Variants in PTGR1 observed in about 807,000 individuals in gnomAD.
PTGR1 encodes 15-oxoprostaglandin 13-reductase.
In PTGR1, 23 loss-of-function variants were observed where a neutral mutation model predicts 37.7. The observed-to-expected ratio is 0.61, with a 90% CI of 0.44 to 0.86. PTGR1 has a LOEUF of 0.86. Among genes scored for constraint, PTGR1 ranks in the 40% least tolerant of loss-of-function variants. The pLI, the probability that PTGR1 is intolerant of heterozygous loss-of-function variation, is 0.00. For missense variants in PTGR1, 351 were observed against 394.3 expected, an observed-to-expected ratio of 0.89 and a Z score of 0.93; for synonymous variants, 134 against 140.0, an observed-to-expected ratio of 0.96 and a Z score of 0.30.
chr9:111,571,525 C>T (rs1828820285), intron 8 of PTGR1, among the ~76,000 whole-genome samples: 1 of 138,974 alleles, frequency 7.2e-6, no homozygotes, highest in African/African-American at 2.5e-5. Context: ...TTTCCCCAGG[C>T]TGGAGTAAAG....
intron 3 of PTGR1, among the ~76,000 whole-genome samples, chr9:111,593,469 G>A (rs1829682845): frequency 6.6e-6 from 1 of 152,160 alleles, no homozygotes; most frequent in Non-Finnish European, 1.5e-5. Context: ...AAAAAATACT[G>A]AGGACTTAGT....
At chr9:111,558,080 G>A (rs1427504733), downstream of PTGR1, among the ~76,000 whole-genome samples, 1 of 152,096 alleles carries the variant, frequency 6.6e-6, no homozygotes, top group Non-Finnish European at 1.5e-5. Flanking sequence ...CCGGGAGGCG[G>A]AGTTTGCACT....
intron 6 of PTGR1, 146 bp downstream of exon 6, chr9:111,583,326 C>T: frequency 4.4e-6 from 3 of 679,782 alleles, no homozygotes; most frequent in East Asian, 2.5e-5. Context: ...TATAGTTTTC[C>T]CCATTCCTCC....
intron 9 of PTGR1, among the ~76,000 whole-genome samples, chr9:111,568,250 ATAAT>A (rs778811995): frequency 3.9e-5 from 6 of 152,280 alleles, no homozygotes; most frequent in Non-Finnish European, 2.9e-5. Context: ...AGGAATATTA[ATAAT>A]TAATATCCTG....
chr9:111,582,710 T>C (rs978538068), intron 6 of PTGR1, among the ~76,000 whole-genome samples: 5 of 152,254 alleles, frequency 3.3e-5, no homozygotes, highest in South Asian at 2.1e-4. Context: ...ACAACTTCTA[T>C]GGTAGCCTCA....
downstream of PTGR1, among the ~76,000 whole-genome samples, chr9:111,559,629 A>AACAC (rs905762878): frequency 6.8e-6 from 1 of 147,054 alleles, no homozygotes; most frequent in South Asian, 2.1e-4. Context: ...ATACATATAT[A>AACAC]ACACACACAC....
At chr9:111,586,324 G>A (rs747097710) in intron 4 of PTGR1, among the ~76,000 whole-genome samples, 159 bp from the exon 5 acceptor site, 4 of 152,076 alleles carry the variant, frequency 2.6e-5, no homozygotes, top group Non-Finnish European at 5.9e-5. Context: ...CTTAGCCATC[G>A]GCATAGGGGT....
At chr9:111,561,009 A>AG (rs1179360853), downstream of PTGR1, among the ~76,000 whole-genome samples, 1 of 82,996 alleles carries the variant, frequency 1.2e-5, no homozygotes, top group Non-Finnish European at 2.3e-5. Flanking sequence ...AGAGAGAGAG[A>AG]GAGAGAGAGG....
intron 8 of PTGR1, chr9:111,574,237 C>T (rs1828956356): frequency 1.3e-5 from 2 of 152,168 alleles, no homozygotes; most frequent in Admixed American, 6.5e-5. Flanking sequence ...CTTTTAATAA[C>T]TGTTTCTTTT....
chr9:111,550,732 T>C (rs1368301748), intron 9 of PTGR1, among the ~76,000 whole-genome samples: 5 of 152,262 alleles, frequency 3.3e-5, no homozygotes, highest in Admixed American at 6.5e-5. Flanking sequence ...CTATTAAATG[T>C]TGTGAATGTT....
intron 9 of PTGR1, 130 bp downstream of exon 9, chr9:111,569,961 A>C: frequency 1.4e-6 from 2 of 1,416,480 alleles, no homozygotes; most frequent in Non-Finnish European, 1.9e-6. Context: ...TACTCTAAGC[A>C]CAATGACCCA....
chr9:111,586,305 A>C, intron 4 of PTGR1, 140 bp from the exon 5 acceptor site: 1 of 819,410 alleles, frequency 1.2e-6, no homozygotes, highest in African/African-American at 1.7e-5. Context: ...ACCCCTCTCC[A>C]TCTTAATTCT....
intron 9 of PTGR1, chr9:111,549,848 T>C: frequency 1.6e-6 from 2 of 1,232,308 alleles, no homozygotes; most frequent in Non-Finnish European, 1.2e-6. Flanking sequence ...TTTAAGGCAG[T>C]TGCTTTAAAG....
At chr9:111,574,649 CAG>C in intron 8 of PTGR1, 83 bp downstream of exon 8, 1 of 774,548 alleles carries the variant, frequency 1.3e-6, no homozygotes, top group South Asian at 2.3e-5. Flanking sequence ...CTAATAATTT[CAG>C]AGTCACTGGC....
rs777981220 is a variant in PTGR1 at position 111,550,436 on chromosome 9, G to T, written c.880-637C>A. 2.6e-3 allele frequency among the ~76,000 whole-genome samples: 389 copies of T among 152,312 alleles called. 1 individual carries two copies. The highest frequency in any genetic ancestry group is 4.2e-3 in the Non-Finnish European group (286 of 68,024). On this transcript the variant is annotated intron_variant, in intron 9 of 9. Transcript: ENST00000538962. Reference sequence around the variant, plus strand: ...CAGCAAGCTGACCCAGAAATGTGGGGTTGTGTCTCCACAGCTGCCTGCCAT... The same window carrying T: ...CAGCAAGCTGACCCAGAAATGTGGGTTTGTGTCTCCACAGCTGCCTGCCAT...
At chr9:111,597,578 A>C in intron 1 of PTGR1, 146 bp from the exon 2 acceptor site, 2 of 599,298 alleles carry the variant, frequency 3.3e-6, no homozygotes, top group East Asian at 5.5e-5. Context: ...TTCATTTAAC[A>C]TTTACTATGT....
At chr9:111,593,878 G>T (rs1829695236) in intron 3 of PTGR1, among the ~76,000 whole-genome samples, 1 of 151,672 alleles carries the variant, frequency 6.6e-6, no homozygotes, top group Non-Finnish European at 1.5e-5. Context: ...AGTAGAGACA[G>T]GGCTTTGCCA....
intron 4 of PTGR1, 151 bp from the exon 5 acceptor site, chr9:111,586,316 T>C (rs1340964720): frequency 3.9e-6 from 3 of 768,562 alleles, no homozygotes; most frequent in African/African-American, 1.8e-5. Context: ...TCTTAATTCT[T>C]AGCCATCGGC....
In PTGR1 at chr9:111,578,784, G is replaced by A. The variant is rs1488035607; in HGVS notation, c.651+12C>T. ...CATAATAAATTAGATATTAAGTCCA[G>A]TTTGTACTTACATTATCAAAATAAC... On this transcript the variant is annotated intron_variant, in intron 7 of 9. Transcript: ENST00000407693. The A allele has an allele frequency of 6.3e-7, 1 of 1,593,132 alleles. No homozygotes were observed. The highest frequency in any genetic ancestry group is 2.2e-5 in the East Asian group (1 of 44,730).
Sources: gnomAD v4.1 joint callset for allele counts (sites outside exome capture counted in the v4.1 genomes callset) on GRCh38, gnomAD v4.1.1 for gene constraint, MANE v1.5 for transcripts, NCBI Gene and HGNC (gene_info 2026-07-23, HGNC 2026-07-21) for gene names.